Variants in IKZF4 observed in about 807,000 individuals in gnomAD.
IKZF4 encodes the protein zinc finger protein Eos.
IKZF4 carries 11 observed loss-of-function variants against 47.7 expected under a neutral mutation model. The observed-to-expected ratio is 0.23, with a 90% CI of 0.15 to 0.38. IKZF4 has a LOEUF of 0.38. Ranked by LOEUF, IKZF4 falls within the 10% of genes least tolerant of loss-of-function variation. The pLI is 1.00. For missense variants in IKZF4, 557 were observed against 784.9 expected, an observed-to-expected ratio of 0.71 and a Z score of 3.47; for synonymous variants, 298 against 299.4, an observed-to-expected ratio of 1.00 and a Z score of 0.05.
chr12:56,018,307 G>A, upstream of IKZF4: 1 of 541,140 alleles, frequency 1.8e-6, no homozygotes, highest in Non-Finnish European at 3.0e-6. Context: ...ACTCATGCTT[G>A]GTGGCCCTTG....
At chr12:56,018,061 T>G, upstream of IKZF4, 3 of 1,082,750 alleles carry the variant, frequency 2.8e-6, no homozygotes, top group South Asian at 3.9e-5. Flanking sequence ...CTCAAGAATA[T>G]TAAAGAAAAG....
intron 5 of IKZF4, 110 bp downstream of exon 5, chr12:56,028,057 G>T (rs926054098): frequency 6.6e-5 from 81 of 1,234,272 alleles, no homozygotes; most frequent in Non-Finnish European, 8.6e-5. Context: ...CATTGAGGAG[G>T]GGGGAGCATT....
chr12:56,030,311 T>G (rs1056570219), intron 5 of IKZF4, among the ~76,000 whole-genome samples: 1 of 151,446 alleles, frequency 6.6e-6, no homozygotes, highest in Non-Finnish European at 1.5e-5. Context: ...ACACCTGTAG[T>G]CCCAGCTACT....
At chr12:56,020,956 G>C (rs1177025685), upstream of IKZF4, 1 of 1,014,596 alleles carries the variant, frequency 9.9e-7, no homozygotes, top group Non-Finnish European at 1.2e-6. Context: ...GGCTTCCCCA[G>C]CTGGCAGAGG....
intron 2 of IKZF4, among the ~76,000 whole-genome samples, chr12:56,013,559 A>G (rs1891603517): frequency 6.6e-6 from 1 of 152,062 alleles, no homozygotes; most frequent in African/African-American, 2.4e-5. Flanking sequence ...TGTCTCATGT[A>G]ACTAACTTCC....
chr12:56,022,856 G>A (rs1893279028), intron 1 of IKZF4, among the ~76,000 whole-genome samples: 2 of 146,476 alleles, frequency 1.4e-5, no homozygotes, highest in African/African-American at 5.1e-5. Context: ...CTGGAGTGCA[G>A]TGGCGCGATC....
chr12:56,019,422 T>A, upstream of IKZF4: 1 of 962,220 alleles, frequency 1.0e-6, no homozygotes, highest in Non-Finnish European at 1.2e-6. Flanking sequence ...TAAGGTAAGA[T>A]GTTGACTCTG....
intron 1 of IKZF4, chr12:56,021,936 G>A (rs1405441177): frequency 6.8e-6 from 2 of 295,246 alleles, no homozygotes; most frequent in East Asian, 1.5e-4. Context: ...AGGTAAGGAA[G>A]AGGAGCCTTG....
Position 56,033,263 on chromosome 12 carries a change from C to G in IKZF4, c.939C>G (p.Ile313Met). ...CATCCTCTGAGCGGCCAACTTTCAT[C>G]GATCGTCTGGCCAATAGCCTCACCA... Reference protein sequence around the residue: ...LHSSSERPTFIDRLANSLTKR... With the variant: ...LHSSSERPTFMDRLANSLTKR... Residue 313 changes from isoleucine to methionine, a missense_variant, in exon 7 of 8, where the codon ATC becomes ATG. Ile to Met is a conservative substitution (Grantham distance 10). Transcript: ENST00000547167. 1.9e-6 allele frequency: 3 copies of G among 1,614,016 alleles called. No homozygotes were observed. The highest frequency in any genetic ancestry group is 2.5e-6 in the Non-Finnish European group (3 of 1,179,888).
At chr12:56,028,061 G>A (rs559026737) in intron 5 of IKZF4, 114 bp downstream of exon 5, 3 of 1,203,956 alleles carry the variant, frequency 2.5e-6, no homozygotes, top group Non-Finnish European at 3.3e-6. Flanking sequence ...GAGGAGGGGG[G>A]AGCATTTACA....
Position 56,032,697 on chromosome 12 carries a change from G to T in IKZF4, c.852G>T (p.Leu284Phe). The T allele has an allele frequency of 1.2e-6, 2 of 1,614,018 alleles. No homozygotes were observed. The highest frequency in any genetic ancestry group is 1.7e-6 in the Non-Finnish European group (2 of 1,179,894). ...LQSLSTEAQA[L>F]AGQPGDEIRD... Reference sequence around the variant, plus strand: ...GTCTCAGCACTGAAGCCCAAGCTTTGGCTGGCCAACCAGGTAGGGCTATTG... The same window carrying T: ...GTCTCAGCACTGAAGCCCAAGCTTTTGCTGGCCAACCAGGTAGGGCTATTG... The change falls in exon 6 of 8, where the codon TTG becomes TTT. Residue 284 changes from leucine to phenylalanine, a missense_variant. Around this residue, in one of 6 missense-constraint regions of IKZF4, gnomAD observed 72 missense variants for 112.4 expected, o/e 0.64. Transcript: ENST00000547167.
intron 4 of IKZF4, 135 bp from the exon 5 acceptor site, chr12:56,027,645 G>A: frequency 1.2e-6 from 1 of 822,336 alleles, no homozygotes; most frequent in Non-Finnish European, 2.0e-6. Flanking sequence ...GGGTTTGTGT[G>A]CATTGCACTT....
At chr12:56,021,712 G>A (rs1893028168) in intron 1 of IKZF4, 132 bp downstream of exon 1, 7 of 1,204,594 alleles carry the variant, frequency 5.8e-6, no homozygotes, top group Non-Finnish European at 8.1e-6. Context: ...GTGTGTGTGT[G>A]TGTGTGTGTG....
intron 1 of IKZF4, among the ~76,000 whole-genome samples, chr12:56,022,433 C>T (rs1329749266): frequency 2.6e-5 from 4 of 152,164 alleles, no homozygotes; most frequent in Admixed American, 1.3e-4. Flanking sequence ...AGCCTTAATT[C>T]TTGGCTTTGA....
chr12:56,019,680 CAGAT>C (rs888841336), upstream of IKZF4, among the ~76,000 whole-genome samples: 1 of 152,182 alleles, frequency 6.6e-6, no homozygotes, highest in Non-Finnish European at 1.5e-5. Context: ...GGGGAACACT[CAGAT>C]GGATAAAATC....
At chr12:56,026,401 C>A (rs1035799544) in intron 3 of IKZF4, among the ~76,000 whole-genome samples, 2 of 151,954 alleles carry the variant, frequency 1.3e-5, no homozygotes, top group African/African-American at 2.4e-5. Flanking sequence ...TTAAGAGTGC[C>A]ATTCTGGGCC....
At chr12:56,021,686 G>A in intron 1 of IKZF4, 106 bp downstream of exon 1, 1 of 1,408,074 alleles carries the variant, frequency 7.1e-7, no homozygotes, top group Non-Finnish European at 9.6e-7. Context: ...AGAGGATGGG[G>A]GCTGTGTGTG....
At chr12:56,030,226 A>G (rs1166426122) in intron 5 of IKZF4, among the ~76,000 whole-genome samples, 2 of 151,920 alleles carry the variant, frequency 1.3e-5, no homozygotes, top group Non-Finnish European at 2.9e-5. Flanking sequence ...GACCAGCCAG[A>G]GCAACATAGT....
At position 56,021,387 on chromosome 12, in the gene IKZF4, G is replaced by A. The variant is rs1892926137; in HGVS notation, c.-107G>A. Reference sequence around the variant, plus strand: ...GCCGTGGGCCTCTGCTCACCGTGCCGCTGCTGCTGCCTGCGAAATGACGGC... The same window carrying A: ...GCCGTGGGCCTCTGCTCACCGTGCCACTGCTGCTGCCTGCGAAATGACGGC... On this transcript the variant is annotated 5_prime_UTR_variant, in exon 1 of 8. Coordinates refer to ENST00000547167, the MANE Select transcript of IKZF4 (RefSeq NM_022465.4). 4 of 1,548,832 alleles carry A rather than the reference G, an allele frequency of 2.6e-6. No homozygotes were observed. Among genetic ancestry groups the A allele is most frequent in the African/African-American group, 1.4e-5 (1 of 72,780 alleles).
Sources: gnomAD v4.1 joint callset for allele counts (sites outside exome capture counted in the v4.1 genomes callset) on GRCh38, gnomAD v4.1.1 for gene constraint, gnomAD v4.1.1 regional missense constraint, MANE v1.5 for transcripts, NCBI Gene and HGNC (gene_info 2026-07-23, HGNC 2026-07-21) for gene names.